PCCA: variants seen among roughly 807,000 people sequenced by gnomAD.
The protein encoded by PCCA is propionyl-CoA carboxylase subunit alpha, also known as propionyl-CoA carboxylase alpha chain, mitochondrial.
A neutral mutation model predicts 101.3 loss-of-function variants in PCCA; 74 were observed. That is an observed-to-expected ratio of 0.73 (90% CI 0.61 to 0.89). The LOEUF is 0.89. Among genes scored for constraint, PCCA ranks in the 40% least tolerant of loss-of-function variants. The pLI, the probability that PCCA is intolerant of heterozygous loss-of-function variation, is 0.00. For missense variants in PCCA, 891 were observed against 907.0 expected, an observed-to-expected ratio of 0.98 and a Z score of 0.23; for synonymous variants, 294 against 313.6, an observed-to-expected ratio of 0.94 and a Z score of 0.66.
At chr13:100,385,187 A>G (rs953272140) in intron 19 of PCCA, among the ~76,000 whole-genome samples, 2 of 152,218 alleles carry the variant, frequency 1.3e-5, no homozygotes, top group Non-Finnish European at 2.9e-5. Context: ...ATGCATAAAC[A>G]TAGAAATTCT....
chr13:100,218,700 C>T (rs1447435911), intron 7 of PCCA, among the ~76,000 whole-genome samples: 1 of 152,156 alleles, frequency 6.6e-6, no homozygotes, highest in Non-Finnish European at 1.5e-5. Flanking sequence ...ATATTACTCC[C>T]TTAATTAGGT....
intron 21 of PCCA, among the ~76,000 whole-genome samples, chr13:100,508,771 CACATCTTT>C (rs1487885760): frequency 6.6e-6 from 1 of 152,124 alleles, no homozygotes. Context: ...ACACTGTCTC[CACATCTTT>C]TCTCCTTTCT....
At chr13:100,479,638 A>C (rs951857546) in intron 21 of PCCA, 23 of 152,206 alleles carry the variant, frequency 1.5e-4, no homozygotes, top group African/African-American at 5.6e-4. Context: ...CTTCACGTTG[A>C]GTTGGCTGAG....
At chr13:100,467,134 T>A (rs1395140708) in intron 21 of PCCA, among the ~76,000 whole-genome samples, 1 of 152,092 alleles carries the variant, frequency 6.6e-6, no homozygotes, top group Non-Finnish European at 1.5e-5. Context: ...GTGGTTTATA[T>A]CAGAAGAGCA....
At chr13:100,296,242 TA>T (rs1403009516) in intron 12 of PCCA, among the ~76,000 whole-genome samples, 1 of 151,858 alleles carries the variant, frequency 6.6e-6, no homozygotes, top group African/African-American at 2.4e-5. Flanking sequence ...TTAACTTTTT[TA>T]TTTTTTATTT....
intron 20 of PCCA, among the ~76,000 whole-genome samples, chr13:100,437,703 C>T (rs1473029081): frequency 6.6e-6 from 1 of 152,012 alleles, no homozygotes; most frequent in Admixed American, 6.6e-5. Flanking sequence ...GAGACGGAGT[C>T]CGTTGCCCAG....
chr13:100,411,200 G>C (rs1433035726), intron 19 of PCCA, among the ~76,000 whole-genome samples: 2 of 151,546 alleles, frequency 1.3e-5, no homozygotes, highest in African/African-American at 4.9e-5. Flanking sequence ...TAACCTTACT[G>C]GTAATGGGAC....
At chr13:100,387,921 T>G (rs952581835) in intron 19 of PCCA, among the ~76,000 whole-genome samples, 1 of 152,162 alleles carries the variant, frequency 6.6e-6, no homozygotes, top group Non-Finnish European at 1.5e-5. Flanking sequence ...ATTCAGTTAC[T>G]TTGGCAATGA....
chr13:100,257,893 A>T (rs537934644), intron 9 of PCCA, among the ~76,000 whole-genome samples: 2 of 152,298 alleles, frequency 1.3e-5, no homozygotes, highest in East Asian at 3.9e-4. Context: ...TACTGTTTTA[A>T]ACATTAACAA....
chr13:100,459,071 T>C (rs2390468), intron 21 of PCCA, among the ~76,000 whole-genome samples: 98,608 of 151,890 alleles, frequency 0.65, 34,176 homozygotes, highest in African/African-American at 0.89. Flanking sequence ...TGGCAGTCCT[T>C]GCCTTCCTTG....
chr13:100,122,154 A>G (rs1364836034), intron 4 of PCCA, among the ~76,000 whole-genome samples: 1 of 152,162 alleles, frequency 6.6e-6, no homozygotes, highest in African/African-American at 2.4e-5. Flanking sequence ...TTGTTACATT[A>G]ATTGATTTTT....
At chr13:100,280,380 A>C (rs1406151960) in intron 12 of PCCA, among the ~76,000 whole-genome samples, 1 of 151,754 alleles carries the variant, frequency 6.6e-6, no homozygotes, top group Non-Finnish European at 1.5e-5. Flanking sequence ...ATGAATTGCA[A>C]GAGACTCCTT....
intron 4 of PCCA, among the ~76,000 whole-genome samples, chr13:100,138,881 G>C (rs1466016390): frequency 7.2e-6 from 1 of 138,490 alleles, no homozygotes; most frequent in Admixed American, 8.1e-5. Context: ...GTTGCAGTGA[G>C]CCAAGATCAC....
At chr13:100,237,587 T>A (rs962884962) in intron 8 of PCCA, 2 of 152,240 alleles carry the variant, frequency 1.3e-5, no homozygotes, top group African/African-American at 4.8e-5. Context: ...AAGAGGCATA[T>A]AATATACCTA....
chr13:100,214,442 T>G (rs2059401412), intron 7 of PCCA, among the ~76,000 whole-genome samples: 1 of 151,886 alleles, frequency 6.6e-6, no homozygotes, highest in African/African-American at 2.4e-5. Context: ...TGTTTTTTTT[T>G]TTAGATGGAA....
chr13:100,283,133 G>T (rs1354551346), intron 12 of PCCA, among the ~76,000 whole-genome samples: 1 of 152,130 alleles, frequency 6.6e-6, no homozygotes, highest in Non-Finnish European at 1.5e-5. Flanking sequence ...GCAAACCTTC[G>T]ACCTCGCTTG....
In PCCA at chr13:100,123,771, A is replaced by G. The variant is rs540139830; in HGVS notation, c.300+11710A>G. 7.9e-5 allele frequency among the ~76,000 whole-genome samples: 12 copies of G among 152,280 alleles called. No individual in the cohort carries two copies. In the East Asian group the frequency reaches 2.1e-3, roughly 27 times the overall value. ...AAGAAGACATAGGTCTATGGAATAC[A>G]TTTGTTAGATTTTAGGCAGTGGGAT... is the stretch of plus-strand genomic sequence containing the variant. On this transcript the variant is annotated intron_variant, in intron 4 of 23. Coordinates refer to ENST00000376285, the MANE Select transcript of PCCA (RefSeq NM_000282.4).
intron 6 of PCCA, among the ~76,000 whole-genome samples, chr13:100,181,993 A>G (rs1229434022): frequency 7.5e-6 from 1 of 134,130 alleles, no homozygotes; most frequent in Non-Finnish European, 1.6e-5. Context: ...CTTGAACTCC[A>G]GGGCTCAAGT....
At chr13:100,256,591 G>A (rs879367201) in intron 8 of PCCA, among the ~76,000 whole-genome samples, 1 of 152,164 alleles carries the variant, frequency 6.6e-6, no homozygotes, top group South Asian at 2.1e-4. Context: ...CTAAGTTGAA[G>A]TTAAAGAGTG....
Sources: allele counts gnomAD v4.1 joint callset (sites outside exome capture counted in the v4.1 genomes callset), GRCh38; gene constraint gnomAD v4.1.1; transcripts MANE v1.5; gene names NCBI Gene and HGNC (gene_info 2026-07-23, HGNC 2026-07-21).